Variants in RUFY2 observed in about 807,000 individuals in gnomAD.
RUFY2 encodes RUN and FYVE domain-containing protein 2.
A neutral mutation model predicts 94.4 loss-of-function variants in RUFY2; 49 were observed. The observed-to-expected ratio is 0.52, with a 90% CI of 0.41 to 0.66. RUFY2 has a LOEUF of 0.66. Ranked by LOEUF, RUFY2 falls within the 30% of genes least tolerant of loss-of-function variation. The pLI is 0.00. For missense variants in RUFY2, 541 were observed against 692.8 expected (o/e 0.78, Z 2.46); for synonymous variants, 255 against 235.7 (o/e 1.08, Z -0.75).
At chr10:68,386,874 G>A (rs1564833038) in intron 7 of RUFY2, among the ~76,000 whole-genome samples, 3 of 152,034 alleles carry the variant, frequency 2.0e-5, no homozygotes, top group Non-Finnish European at 4.4e-5. Flanking sequence ...AGAACTTAGA[G>A]ACATCCAAAG....
downstream of RUFY2, chr10:68,341,340 T>A: frequency 6.3e-7 from 1 of 1,579,820 alleles, no homozygotes; most frequent in Non-Finnish European, 8.6e-7. Flanking sequence ...ACAATCTTAT[T>A]TCCTAAACGT....
At chr10:68,405,325 AAAG>A (rs1488695690) in intron 1 of RUFY2, 4 of 314,630 alleles carry the variant, frequency 1.3e-5, no homozygotes, top group African/African-American at 2.3e-5. Flanking sequence ...AAAAAAAAAA[AAAG>A]AAAAAGAAAG....
chr10:68,352,954 G>A (rs1037722763), intron 16 of RUFY2, among the ~76,000 whole-genome samples: 2 of 151,706 alleles, frequency 1.3e-5, no homozygotes, highest in African/African-American at 4.8e-5. Flanking sequence ...TAACTCCAGA[G>A]GAAGGATAAA....
intron 16 of RUFY2, among the ~76,000 whole-genome samples, chr10:68,352,119 T>C (rs1344948959): frequency 1.3e-5 from 2 of 151,926 alleles, no homozygotes; most frequent in Admixed American, 6.6e-5. Context: ...CGCAAATTCT[T>C]TTCTTTCTTT....
chr10:68,391,969 AAAACAAAC>A (rs770942164), intron 7 of RUFY2, among the ~76,000 whole-genome samples: 14 of 152,096 alleles, frequency 9.2e-5, no homozygotes, highest in East Asian at 7.7e-4. Flanking sequence ...CTGTCTCAAA[AAAACAAAC>A]AAACAAACAA....
In RUFY2 at chr10:68,345,803, G is replaced by A. The variant is rs1162753; in HGVS notation, c.1786C>T (p.Leu596=). ...PVRVCDSCHA[L]LIQRCSSNLP ...TTAGATGAGCATCTCTGAATGAGCA[G>A]TGCATGACAGGAATCACAAACCCGT... The change falls in exon 18 of 18, where the codon CTG becomes TTG. Residue 596 remains leucine (L), a synonymous_variant. Coordinates refer to ENST00000602465, the MANE Select transcript of RUFY2 (RefSeq NM_001330103.2). 0.84 allele frequency: 1,356,441 copies of A among 1,613,096 alleles called. 571,996 individuals carry two copies. Among genetic ancestry groups the A allele is most frequent in the East Asian group, 0.86 (38,792 of 44,862 alleles).
intron 13 of RUFY2, among the ~76,000 whole-genome samples, chr10:68,374,114 CAAAAAAAAAAAA>C (rs34041522): frequency 5.1e-5 from 3 of 59,340 alleles, no homozygotes; most frequent in Non-Finnish European, 8.8e-5. Context: ...GATCCTGTCC[CAAAAAAAAAAAA>C]AAAAAAAAAA....
chr10:68,406,491 T>TG (rs889677609), intron 1 of RUFY2, among the ~76,000 whole-genome samples: 1 of 152,202 alleles, frequency 6.6e-6, no homozygotes, highest in Non-Finnish European at 1.5e-5. Flanking sequence ...TTGCAGCTGC[T>TG]GGGAGGCAGA....
At chr10:68,376,794 C>T in intron 13 of RUFY2, 59 bp downstream of exon 13, 1 of 1,496,446 alleles carries the variant, frequency 6.7e-7, no homozygotes, top group South Asian at 1.2e-5. Flanking sequence ...TCATTATGTG[C>T]AAAAAAATGA....
intron 1 of RUFY2, 99 bp from the exon 2 acceptor site, chr10:68,404,943 C>T (rs1256736531): frequency 4.0e-6 from 4 of 991,728 alleles, no homozygotes; most frequent in East Asian, 2.7e-5. Context: ...CAGTAGTTTG[C>T]TGTTCCTTGG....
intron 16 of RUFY2, among the ~76,000 whole-genome samples, chr10:68,347,097 G>A (rs921983848): frequency 2.0e-5 from 3 of 151,832 alleles, no homozygotes; most frequent in African/African-American, 4.8e-5. Context: ...CACTGCACTC[G>A]AGCCTGAGCA....
chr10:68,342,740 G>A (rs2046038190), downstream of RUFY2: 1 of 152,548 alleles, frequency 6.6e-6, no homozygotes, highest in Non-Finnish European at 1.5e-5. Flanking sequence ...TACCAAAAAT[G>A]TCTCCAAAAA....
chr10:68,371,057 A>G (rs538514321), intron 13 of RUFY2, among the ~76,000 whole-genome samples: 17 of 149,980 alleles, frequency 1.1e-4, no homozygotes, highest in Non-Finnish European at 2.5e-4. Flanking sequence ...GAGTGAACCC[A>G]GGAGGCGGAG....
chr10:68,345,948 T>C (rs201463578), intron 17 of RUFY2, 37 bp from the exon 18 acceptor site: 142 of 1,612,278 alleles, frequency 8.8e-5, no homozygotes, highest in Non-Finnish European at 1.1e-4. Flanking sequence ...AAAAACACTT[T>C]AAATAAAATT....
rs2050124315 is a variant in RUFY2 at position 68,393,042 on chromosome 10, A to G, written c.650+96T>C. 4 of 521,418 alleles carry G rather than the reference A, an allele frequency of 7.7e-6. No homozygotes were observed. The South Asian group carries it at 1.7e-4, about 23-fold the overall frequency. The allele number at this position is 521,418 out of a possible 1,614,324, so 32.3% of individuals were successfully genotyped here. A position where few individuals can be genotyped will look rare whatever the true frequency, so the allele number is the denominator to read the frequency against. On this transcript the variant is annotated intron_variant, in intron 7 of 17. Coordinates refer to ENST00000602465, the MANE Select transcript of RUFY2 (RefSeq NM_001330103.2). ...TCTCTATCCCCTCAACCCCTTCTCA[A>G]AGACTCTTAGAAGAAAGGAATACGG... is the stretch of plus-strand genomic sequence containing the variant.
intron 13 of RUFY2, among the ~76,000 whole-genome samples, chr10:68,366,371 G>A (rs1271652120): frequency 1.4e-5 from 2 of 144,004 alleles, no homozygotes; most frequent in Admixed American, 7.0e-5. Context: ...GAAAAAGGAA[G>A]ATGTAAGTAC....
chr10:68,393,774 C>A, intron 6 of RUFY2: 1 of 337,130 alleles, frequency 3.0e-6, no homozygotes, highest in South Asian at 3.4e-5. Context: ...CCAGTATTTG[C>A]AAACTTGTGA....
chr10:68,389,656 T>C (rs942085586), intron 7 of RUFY2, among the ~76,000 whole-genome samples: 1 of 150,594 alleles, frequency 6.6e-6, no homozygotes, highest in African/African-American at 2.4e-5. Flanking sequence ...TGGCCAGGCA[T>C]GGTGGCTCAC....
At chr10:68,379,556 T>C in intron 11 of RUFY2, 35 bp from the exon 12 acceptor site, 1 of 1,481,004 alleles carries the variant, frequency 6.8e-7, no homozygotes, top group Non-Finnish European at 9.4e-7. Context: ...GTGGTTTTGA[T>C]TTGTGTGTGT....
Sources: allele counts gnomAD v4.1 joint callset (sites outside exome capture counted in the v4.1 genomes callset), GRCh38; gene constraint gnomAD v4.1.1; transcripts MANE v1.5; gene names NCBI Gene and HGNC (gene_info 2026-07-23, HGNC 2026-07-21).